The following SFMBT1 variants were observed in gnomAD, a reference collection of about 807,000 sequenced individuals.
The protein encoded by SFMBT1 is scm-like with four MBT domains protein 1.
A neutral mutation model predicts 108.7 loss-of-function variants in SFMBT1; 32 were observed. The observed-to-expected ratio is 0.29, with a 90% CI of 0.22 to 0.40. The LOEUF (loss-of-function observed/expected upper bound fraction) is 0.40. Among genes scored for constraint, SFMBT1 ranks in the 10% least tolerant of loss-of-function variants. The pLI is 1.00. For synonymous variants in SFMBT1, 348 were observed against 369.5 expected, an observed-to-expected ratio of 0.94 and a Z score of 0.67; for missense variants, 816 against 1,059.6, an observed-to-expected ratio of 0.77 and a Z score of 3.19.
chr3:52,983,274 TCTTC>T (rs1027961438), intron 1 of SFMBT1, among the ~76,000 whole-genome samples: 9 of 152,342 alleles, frequency 5.9e-5, no homozygotes, highest in Admixed American at 1.3e-4. Flanking sequence ...ATATATTTTC[TCTTC>T]CTTATGATTT....
intron 1 of SFMBT1, among the ~76,000 whole-genome samples, chr3:53,040,967 AATTTTTTTTTTTTT>A (rs1452006764): frequency 4.1e-5 from 3 of 72,834 alleles, no homozygotes; most frequent in Non-Finnish European, 9.1e-5. Flanking sequence ...AAGACACCTG[AATTTTTTTTTTTTT>A]TTTTTTTTTT....
rs565175141 is a variant in SFMBT1 at position 52,932,333 on chromosome 3, C to G, written c.454-25G>C. 3 of 1,595,834 alleles carry G rather than the reference C, an allele frequency of 1.9e-6. No homozygotes were observed. In the African/African-American group the frequency reaches 4.1e-5, roughly 22 times the overall value. ...GCTGTAGGATTAAAAAGTAAAACAA[C>G]CCAGTAAGAGAAATTAACATAATAT... On this transcript the variant is annotated intron_variant, in intron 5 of 20. Coordinates refer to ENST00000394752, the MANE Select transcript of SFMBT1 (RefSeq NM_016329.4).
intron 1 of SFMBT1, among the ~76,000 whole-genome samples, chr3:52,969,466 G>A (rs1195937027): frequency 6.6e-6 from 1 of 152,122 alleles, no homozygotes; most frequent in African/African-American, 2.4e-5. Flanking sequence ...TGTATGTGTA[G>A]AGAACGCACA....
Position 52,930,178 on chromosome 3 carries a change from A to T in SFMBT1, c.897+151T>A, listed in dbSNP as rs943703981. The T allele has an allele frequency of 1.3e-5, 8 of 613,916 alleles. No homozygotes were observed. The African/African-American group carries it at 1.5e-4, about 11-fold the overall frequency. The allele number at this position is 613,916 out of a possible 1,614,324, so 38.0% of individuals were successfully genotyped here. A position where few individuals can be genotyped will look rare whatever the true frequency, so the allele number is the denominator to read the frequency against. On this transcript the variant is annotated intron_variant, in intron 8 of 20. Transcript: ENST00000394752. Reference sequence around the variant, plus strand: ...GGAATGGGCCACAGCAAACTGGACAAATACAAAACGTGCACAGAAGTAATT... The same window carrying T: ...GGAATGGGCCACAGCAAACTGGACATATACAAAACGTGCACAGAAGTAATT...
chr3:52,959,788 C>T (rs1703900380), intron 2 of SFMBT1, among the ~76,000 whole-genome samples: 1 of 152,142 alleles, frequency 6.6e-6, no homozygotes, highest in Non-Finnish European at 1.5e-5. Flanking sequence ...AGCCAAGACT[C>T]AAATACTCTA....
At chr3:52,961,131 C>T (rs1282338704) in intron 2 of SFMBT1, among the ~76,000 whole-genome samples, 1 of 150,296 alleles carries the variant, frequency 6.7e-6, no homozygotes, top group African/African-American at 2.4e-5. Context: ...CCCCATCCTC[C>T]CAAAAATAAA....
At chr3:52,928,067 C>T in intron 9 of SFMBT1, 124 bp downstream of exon 9, 1 of 1,265,520 alleles carries the variant, frequency 7.9e-7, no homozygotes, top group Non-Finnish European at 1.1e-6. Flanking sequence ...TCTCAGACCC[C>T]AAAAACGTTA....
intron 1 of SFMBT1, among the ~76,000 whole-genome samples, chr3:53,032,663 T>C (rs1233364964): frequency 6.6e-6 from 1 of 152,202 alleles, no homozygotes; most frequent in Admixed American, 6.5e-5. Flanking sequence ...CTTCCATGCA[T>C]TCATTCAGCT....
intron 1 of SFMBT1, among the ~76,000 whole-genome samples, chr3:53,025,893 C>T (rs1416771919): frequency 6.6e-6 from 1 of 152,196 alleles, no homozygotes; most frequent in African/African-American, 2.4e-5. Flanking sequence ...AAGAACCATA[C>T]ATCAGCTTTG....
intron 4 of SFMBT1, among the ~76,000 whole-genome samples, chr3:52,937,541 C>T (rs1452598456): frequency 6.6e-6 from 1 of 152,024 alleles, no homozygotes; most frequent in African/African-American, 2.4e-5. Flanking sequence ...CTCCTTCATT[C>T]TTTTCCCTTC....
At chr3:53,026,706 A>C (rs886290542) in intron 1 of SFMBT1, among the ~76,000 whole-genome samples, 5 of 152,110 alleles carry the variant, frequency 3.3e-5, no homozygotes, top group Non-Finnish European at 7.4e-5. Flanking sequence ...TCTTAGCCGC[A>C]CTCTCAAAAA....
chr3:52,921,162 C>T (rs139709713), intron 11 of SFMBT1, among the ~76,000 whole-genome samples: 151 of 152,330 alleles, frequency 9.9e-4, no homozygotes, highest in Non-Finnish European at 2.0e-3. Context: ...GCCAATTCTA[C>T]AAATCAGAAA....
At chr3:52,941,484 C>T (rs184656591) in intron 4 of SFMBT1, among the ~76,000 whole-genome samples, 4,946 of 144,338 alleles carry the variant, frequency 0.034, 102 homozygotes, top group Non-Finnish European at 0.052. Context: ...ATCCCAGCTA[C>T]TTGGGAGGCT....
rs530077884 is a variant in SFMBT1, at chr3:52,943,735, A to T, written c.124-142T>A. On this transcript the variant is annotated intron_variant, in intron 3 of 20. Transcript: ENST00000394752. ...GAAAGCCTGAGAAATTCCAATTCTA[A>T]CTTACAGAAGCAATCCAGATAAAAC... 2.8e-5 allele frequency: 31 copies of T among 1,097,920 alleles called. No individual in the cohort carries two copies. The South Asian group carries it at 3.6e-4, about 13-fold the overall frequency. 68.0% of individuals were successfully genotyped at this position (1,097,920 alleles called of 1,614,324 possible). A position where few individuals can be genotyped will look rare whatever the true frequency, so the allele number is the denominator to read the frequency against.
rs901979648 is a variant in SFMBT1, at chr3:53,001,947, A to T, written c.-130-32689T>A. Among the ~76,000 whole-genome samples, 16 of 147,378 alleles carry T rather than the reference A, an allele frequency of 1.1e-4. No homozygotes were observed. In the South Asian group the frequency reaches 2.0e-3, roughly 18 times the overall value. On this transcript the variant is annotated intron_variant, in intron 1 of 20. Transcript: ENST00000394752. Reference sequence around the variant, plus strand: ...CTCTCACACACACACACACACACACACACACACACACACACACACACACAC... The same window carrying T: ...CTCTCACACACACACACACACACACTCACACACACACACACACACACACAC...
chr3:52,971,617 T>G (rs1704345963), intron 1 of SFMBT1, among the ~76,000 whole-genome samples: 1 of 152,168 alleles, frequency 6.6e-6, no homozygotes, highest in South Asian at 2.1e-4. Flanking sequence ...TCAAGAGAGA[T>G]ATGGTTCCTG....
rs149554827 is a variant in SFMBT1 at position 52,996,738 on chromosome 3, G to A, written c.-130-27480C>T. 2.3e-3 allele frequency among the ~76,000 whole-genome samples: 353 copies of A among 150,396 alleles called. 23 individuals are homozygous for A. The highest frequency in any genetic ancestry group is 0.019 in the Admixed American group (285 of 14,900). ...CAATGCTGGTGCAAATGTAAAAATG[G>A]TACAGCCACTTTGAAAATGGTTTGG... On this transcript the variant is annotated intron_variant, in intron 1 of 20. Coordinates refer to ENST00000394752, the MANE Select transcript of SFMBT1 (RefSeq NM_016329.4).
At chr3:52,950,870 T>C (rs956998730) in intron 3 of SFMBT1, among the ~76,000 whole-genome samples, 5 of 152,134 alleles carry the variant, frequency 3.3e-5, no homozygotes, top group Non-Finnish European at 5.9e-5. Context: ...TCCCAGCATT[T>C]TGGGAGGCCA....
chr3:52,947,610 T>A (rs1328304119), intron 3 of SFMBT1, among the ~76,000 whole-genome samples: 1 of 152,208 alleles, frequency 6.6e-6, no homozygotes, highest in Non-Finnish European at 1.5e-5. Context: ...CTTTGACAGT[T>A]GTGTTGCAAA....
Sources: allele counts gnomAD v4.1 joint callset (sites outside exome capture counted in the v4.1 genomes callset), GRCh38; gene constraint gnomAD v4.1.1; transcripts MANE v1.5; gene names NCBI Gene and HGNC (gene_info 2026-07-23, HGNC 2026-07-21).